Variants in ERC2 observed in about 807,000 individuals in gnomAD.
The protein encoded by ERC2 is ELKS/RAB6-interacting/CAST family member 2.
ERC2 carries 42 observed loss-of-function variants against 114.8 expected under a neutral mutation model. The observed-to-expected ratio is 0.37, with a 90% confidence interval of 0.29 to 0.47. The LOEUF (loss-of-function observed/expected upper bound fraction) is 0.47, where lower values mean the gene tolerates loss of function less well. Ranked by LOEUF, ERC2 falls within the 20% of genes least tolerant of loss-of-function variation. The pLI, the probability that ERC2 is intolerant of heterozygous loss-of-function variation, is 0.99. For synonymous variants in ERC2, 454 were observed against 425.5 expected (o/e 1.07, Z -0.82); for missense variants, 939 against 1,150.7 (o/e 0.82, Z 2.66).
At chr3:55,929,715 G>A (rs561200715) in intron 13 of ERC2, among the ~76,000 whole-genome samples, 118 of 152,280 alleles carry the variant, frequency 7.7e-4, no homozygotes, top group African/African-American at 2.7e-3. Flanking sequence ...TCATGGGAAC[G>A]GACTTCCCCC....
intron 14 of ERC2, among the ~76,000 whole-genome samples, chr3:55,802,971 T>C (rs910620780): frequency 1.3e-5 from 2 of 152,216 alleles, no homozygotes; most frequent in Non-Finnish European, 2.9e-5. Flanking sequence ...CGTATATCAT[T>C]ACGATTTCAA....
chr3:55,895,288 G>A (rs544337988), intron 13 of ERC2, among the ~76,000 whole-genome samples: 4 of 152,240 alleles, frequency 2.6e-5, no homozygotes, highest in East Asian at 3.9e-4. Context: ...ATTTGAGGGC[G>A]GGAGCCAGGC....
chr3:55,761,799 C>T (rs1301778174), intron 14 of ERC2, among the ~76,000 whole-genome samples: 2 of 151,476 alleles, frequency 1.3e-5, no homozygotes, highest in Non-Finnish European at 2.9e-5. Context: ...TGGCATGAAC[C>T]CGAGAGTTGG....
intron 17 of ERC2, among the ~76,000 whole-genome samples, chr3:55,609,993 C>G (rs2058819375): frequency 7.3e-6 from 1 of 137,638 alleles, no homozygotes; most frequent in Non-Finnish European, 1.5e-5. Context: ...CGCCTGCACG[C>G]ATCAAAATGG....
At chr3:55,537,460 T>C (rs1173559577) in intron 17 of ERC2, among the ~76,000 whole-genome samples, 8 of 152,150 alleles carry the variant, frequency 5.3e-5, no homozygotes, top group Admixed American at 4.6e-4. Context: ...GTTGAGTAAA[T>C]GTTATAGTCA....
chr3:55,636,020 A>C (rs1242088339), intron 17 of ERC2, among the ~76,000 whole-genome samples: 1 of 151,420 alleles, frequency 6.6e-6, no homozygotes, highest in Non-Finnish European at 1.5e-5. Context: ...GGATTACAGG[A>C]CTGTGCCACC....
intron 4 of ERC2, among the ~76,000 whole-genome samples, chr3:56,160,671 G>C (rs1204718011): frequency 6.6e-6 from 1 of 152,150 alleles, no homozygotes; most frequent in African/African-American, 2.4e-5. Context: ...TGAAATGTAA[G>C]TGTCTAGTTT....
intron 1 of ERC2, 118 bp from the exon 2 acceptor site, chr3:56,435,265 TAGAC>T (rs1185406426): frequency 5.9e-6 from 2 of 336,744 alleles, no homozygotes; most frequent in Non-Finnish European, 1.1e-5. Context: ...TGATTAATAA[TAGAC>T]AGATAGAAAG....
chr3:55,686,507 C>T (rs147318689), intron 16 of ERC2, among the ~76,000 whole-genome samples: 72 of 152,274 alleles, frequency 4.7e-4, no homozygotes, highest in East Asian at 9.6e-4. Context: ...CTAATCAGTG[C>T]GGGAGCTCCA....
chr3:55,970,490 CA>C (rs1383696229), intron 12 of ERC2, among the ~76,000 whole-genome samples: 2 of 151,754 alleles, frequency 1.3e-5, no homozygotes, highest in Non-Finnish European at 2.9e-5. Context: ...CACAACTCAA[CA>C]ATAAAAAGAC....
intron 3 of ERC2, among the ~76,000 whole-genome samples, chr3:56,237,033 C>T (rs2050994651): frequency 6.6e-6 from 1 of 152,152 alleles, no homozygotes; most frequent in Non-Finnish European, 1.5e-5. Context: ...GAATTTGAGG[C>T]AAAAACAGAC....
At chr3:56,055,716 C>T (rs1175875491) in intron 7 of ERC2, among the ~76,000 whole-genome samples, 5 of 152,214 alleles carry the variant, frequency 3.3e-5, no homozygotes, top group African/African-American at 9.6e-5. Flanking sequence ...ATTAGTACAA[C>T]ACAGCTGCAG....
chr3:56,031,154 C>T (rs952847770), intron 7 of ERC2, among the ~76,000 whole-genome samples: 2 of 152,174 alleles, frequency 1.3e-5, no homozygotes, highest in African/African-American at 4.8e-5. Context: ...CTGCCCCAGC[C>T]CAGGTCAGCC....
intron 3 of ERC2, among the ~76,000 whole-genome samples, chr3:56,225,514 C>T (rs2050193559): frequency 6.6e-6 from 1 of 152,214 alleles, no homozygotes; most frequent in African/African-American, 2.4e-5. Context: ...TATCTTTGCT[C>T]TCTTGTCTTC....
At chr3:56,415,759 C>T (rs745814262) in intron 2 of ERC2, among the ~76,000 whole-genome samples, 24 of 152,172 alleles carry the variant, frequency 1.6e-4, no homozygotes, top group Non-Finnish European at 3.2e-4. Context: ...CCTGTCTCCA[C>T]CAAGCATGGT....
At chr3:55,625,287 A>C (rs1010838298) in intron 17 of ERC2, among the ~76,000 whole-genome samples, 10 of 151,450 alleles carry the variant, frequency 6.6e-5, no homozygotes, top group African/African-American at 2.2e-4. Flanking sequence ...GAATCGCTTG[A>C]ATCTGAGAGG....
At chr3:55,853,143 T>C (rs1440360544) in intron 14 of ERC2, among the ~76,000 whole-genome samples, 2 of 152,190 alleles carry the variant, frequency 1.3e-5, no homozygotes, top group Non-Finnish European at 2.9e-5. Context: ...TGACAGCATA[T>C]CCACCCACCC....
chr3:55,665,930 G>A (rs761257045), intron 17 of ERC2, among the ~76,000 whole-genome samples: 8 of 152,156 alleles, frequency 5.3e-5, no homozygotes, highest in Non-Finnish European at 1.2e-4. Flanking sequence ...CTAGCATGTG[G>A]CCAAGATGGA....
At chr3:55,985,887 C>T in intron 12 of ERC2, 90 bp downstream of exon 12, 4 of 1,210,826 alleles carry the variant, frequency 3.3e-6, no homozygotes, top group Non-Finnish European at 4.7e-6. Context: ...CGAGGAAAAC[C>T]ATTTCAGAAA....
Sources: gnomAD v4.1 joint callset for allele counts (sites outside exome capture counted in the v4.1 genomes callset) on GRCh38, gnomAD v4.1.1 for gene constraint, MANE v1.5 for transcripts, NCBI Gene and HGNC (gene_info 2026-07-23, HGNC 2026-07-21) for gene names.